STK10: variants seen among roughly 807,000 people sequenced by gnomAD.
STK10 encodes the protein serine/threonine kinase 10.
STK10 carries 78 observed loss-of-function variants against 113.8 expected under a neutral mutation model. The observed-to-expected ratio is 0.69, with a 90% CI of 0.57 to 0.83. STK10 has a LOEUF of 0.83. Ranked by LOEUF, STK10 falls within the 40% of genes least tolerant of loss-of-function variation. STK10 has a pLI of 0.00. For missense variants in STK10, 1,109 were observed against 1,280.1 expected, an observed-to-expected ratio of 0.87 and a Z score of 2.04; for synonymous variants, 465 against 494.7, an observed-to-expected ratio of 0.94 and a Z score of 0.80.
chr5:172,044,445 G>A lies in STK10; in HGVS notation c.*437C>T. The A allele has an allele frequency of 5.4e-6, 1 of 184,950 alleles. No homozygotes were observed. Among genetic ancestry groups the A allele is most frequent in the South Asian group, 9.6e-5 (1 of 10,428 alleles). 11.5% of individuals were successfully genotyped at this position (184,950 alleles called of 1,614,324 possible). A position where few individuals can be genotyped will look rare whatever the true frequency, so the allele number is the denominator to read the frequency against. On this transcript the variant is annotated 3_prime_UTR_variant, in exon 19 of 19. Coordinates refer to ENST00000176763, the MANE Select transcript of STK10 (RefSeq NM_005990.4). The surrounding 1 kb of genome is among the most constrained non-coding windows in gnomAD (Gnocchi z 4.5). Reference sequence around the variant, plus strand: ...ACTTGATGATTGAGTGACTCTGCAGGGAATGGCTGAAAAACCAAGAATTCC... The same window carrying A: ...ACTTGATGATTGAGTGACTCTGCAGAGAATGGCTGAAAAACCAAGAATTCC...
intron 2 of STK10, among the ~76,000 whole-genome samples, chr5:172,132,636 G>C (rs1409008713): frequency 2.0e-5 from 3 of 152,160 alleles, no homozygotes; most frequent in African/African-American, 4.8e-5. Flanking sequence ...TATATTTGCA[G>C]GTGGCTCACG....
chr5:172,078,619 T>TAAAAAAAA (rs58823824), intron 12 of STK10, among the ~76,000 whole-genome samples: 7 of 72,878 alleles, frequency 9.6e-5, no homozygotes, highest in East Asian at 7.2e-4. Context: ...GCCTCATCAT[T>TAAAAAAAA]AAAAAAAAAA....
At position 172,044,945 on chromosome 5, in the gene STK10, T is replaced by G. The variant is rs769544319; in HGVS notation, c.2844A>C (p.Pro948=). The change falls in exon 19 of 19, where the codon CCA becomes CCC. Residue 948 remains proline (P), a synonymous_variant. Transcript: ENST00000176763. This position sits in a 1 kb window ranked among gnomAD's most constrained non-coding sequence, Gnocchi z 4.5. ...CGGCCTTGCTTGGGGTGGAGGGGTTTGGGCACTCCGCCTCCTCGCTCAGCT... is the reference window on the plus strand; with the variant it reads ...CGGCCTTGCTTGGGGTGGAGGGGTTGGGGCACTCCGCCTCCTCGCTCAGCT... The part of the protein sequence containing the change: ...FFKLSEEAEC[P]NPSTPSKAAK... 2.8e-5 allele frequency: 46 copies of G among 1,614,056 alleles called. No individual in the cohort carries two copies. The highest frequency in any genetic ancestry group is 3.3e-4 in the Middle Eastern group (2 of 6,084).
At position 172,160,291 on chromosome 5, in the gene STK10, T is replaced by C. The variant is rs1303706789; in HGVS notation, c.157-3503A>G. Among the ~76,000 whole-genome samples, 4 of 152,164 alleles carry C rather than the reference T, an allele frequency of 2.6e-5. No individual in the cohort carries two copies. The South Asian group carries it at 8.3e-4, about 32-fold the overall frequency. The stretch of plus-strand genomic sequence containing the variant: ...GAGTTCAAGACCAGCCTGGCCAACA[T>C]GGTGAAACCCTGTCTCTACTAAAAA... On this transcript the variant is annotated intron_variant, in intron 1 of 18. Coordinates refer to ENST00000176763, the MANE Select transcript of STK10 (RefSeq NM_005990.4).
intron 13 of STK10, 197 bp from the exon 14 acceptor site, chr5:172,061,465 G>C (rs1466516932): frequency 3.1e-6 from 2 of 654,778 alleles, no homozygotes; most frequent in South Asian, 2.2e-5. Context: ...TCTGGATCCT[G>C]GATCAAAGAA....
intron 7 of STK10, among the ~76,000 whole-genome samples, chr5:172,101,624 A>C (rs1389940071): frequency 1.3e-5 from 2 of 152,146 alleles, no homozygotes; most frequent in Non-Finnish European, 2.9e-5. Flanking sequence ...CAACAAACCT[A>C]ATAAGCAGGC....
At chr5:172,062,226 C>T (rs1205442081) in intron 13 of STK10, among the ~76,000 whole-genome samples, 1 of 152,052 alleles carries the variant, frequency 6.6e-6, no homozygotes, top group Admixed American at 6.6e-5. Flanking sequence ...GATCCACCCG[C>T]CTCGGCCTCC....
chr5:172,100,404 G>A (rs751633685), intron 7 of STK10, among the ~76,000 whole-genome samples: 3 of 152,176 alleles, frequency 2.0e-5, no homozygotes, highest in Admixed American at 6.5e-5. Context: ...CTAAACAGAT[G>A]TCCTTTCCAA....
intron 7 of STK10, among the ~76,000 whole-genome samples, chr5:172,098,801 T>C (rs13436568): frequency 0.93 from 141,134 of 152,200 alleles, 65,572 homozygotes; most frequent in East Asian, 1. Flanking sequence ...CATCTATATA[T>C]TAGGAACAGC....
intron 4 of STK10, among the ~76,000 whole-genome samples, chr5:172,116,996 T>A (rs1769399875): frequency 6.7e-6 from 1 of 149,700 alleles, no homozygotes; most frequent in African/African-American, 2.5e-5. Context: ...AGAAAGAAGC[T>A]GGCCAGGCAC....
intron 1 of STK10, among the ~76,000 whole-genome samples, chr5:172,172,442 TATC>T (rs898554621): frequency 4.6e-5 from 7 of 152,232 alleles, no homozygotes; most frequent in Non-Finnish European, 7.3e-5. Context: ...CAACACTAGG[TATC>T]ATCCAGATGT....
At chr5:172,066,076 T>C (rs1039138548) in intron 12 of STK10, among the ~76,000 whole-genome samples, 5 of 152,100 alleles carry the variant, frequency 3.3e-5, no homozygotes, top group Admixed American at 1.3e-4. Flanking sequence ...AAAACCTGCA[T>C]TGACAGAGGG....
rs1377247160 is a variant in STK10 at position 172,141,590 on chromosome 5, AAAAAAAAAATTT to A, written c.322-14181_322-14170del. ...AGAGCCAGACCCTGTCTCAAAAAAA[AAAAAAAAAATTT>A]AAAAGAGAGAAAAATAAGGTGGTCC... On this transcript the variant is annotated intron_variant, in intron 2 of 18. Coordinates refer to ENST00000176763, the MANE Select transcript of STK10 (RefSeq NM_005990.4). 3.9e-5 allele frequency among the ~76,000 whole-genome samples: 6 copies of A among 151,984 alleles called. No homozygotes were observed. In the East Asian group the frequency reaches 1.2e-3, roughly 29 times the overall value.
intron 12 of STK10, among the ~76,000 whole-genome samples, chr5:172,081,707 C>T (rs13183384): frequency 9.2e-5 from 14 of 152,198 alleles, no homozygotes; most frequent in Non-Finnish European, 1.5e-5. Context: ...TGCTCATCCA[C>T]TGCTACCAGT....
chr5:172,075,143 C>T (rs927731062), intron 12 of STK10, among the ~76,000 whole-genome samples: 3 of 150,532 alleles, frequency 2.0e-5, no homozygotes, highest in African/African-American at 7.3e-5. Flanking sequence ...GCATTCCATC[C>T]TGGAAGGCAG....
At position 172,187,965 on chromosome 5, in the gene STK10, G is replaced by A; in HGVS notation, c.78C>T (p.Val26=). The A allele has an allele frequency of 1.9e-6, 3 of 1,613,636 alleles. No homozygotes were observed. The highest frequency in any genetic ancestry group is 2.5e-6 in the Non-Finnish European group (3 of 1,179,828). Residue 26 remains valine (V), a synonymous_variant, in exon 1 of 19, where the codon GTC becomes GTT. Coordinates refer to ENST00000176763, the MANE Select transcript of STK10 (RefSeq NM_005990.4). The surrounding 1 kb of genome is among the most constrained non-coding windows in gnomAD (Gnocchi z 4.6). ...CCTCGTTGGGGTCCAGGTCGCGGCG[G>A]ACGTGCTCATATTCGCGGGACTTTC... ...EKRKSREYEH[V]RRDLDPNEVW...
chr5:172,136,039 T>C (rs1197480591), intron 2 of STK10, among the ~76,000 whole-genome samples: 1 of 135,592 alleles, frequency 7.4e-6, no homozygotes, highest in Non-Finnish European at 1.6e-5. Flanking sequence ...AATAAATAAA[T>C]AAACAAACAA....
chr5:172,132,694 T>C (rs1245917961), intron 2 of STK10, among the ~76,000 whole-genome samples: 1 of 152,182 alleles, frequency 6.6e-6, no homozygotes, highest in African/African-American at 2.4e-5. Context: ...GTTTAATGCA[T>C]TGATCATTAT....
At chr5:172,105,523 A>G (rs1392424239) in intron 7 of STK10, 133 bp downstream of exon 7, 1 of 932,630 alleles carries the variant, frequency 1.1e-6, no homozygotes, top group Non-Finnish European at 1.6e-6. Flanking sequence ...TGCCTGGGGA[A>G]TACCCGCTGA....
Sources: allele counts gnomAD v4.1 joint callset (sites outside exome capture counted in the v4.1 genomes callset), GRCh38; gene constraint gnomAD v4.1.1; non-coding constraint Gnocchi (gnomAD v3.1); transcripts MANE v1.5; gene names NCBI Gene and HGNC (gene_info 2026-07-23, HGNC 2026-07-21).